The following LSAMP variants were observed in gnomAD, a reference collection of about 807,000 sequenced individuals.
LSAMP encodes limbic system-associated membrane protein.
A neutral mutation model predicts 38.6 loss-of-function variants in LSAMP; 7 were observed. The observed-to-expected ratio is 0.18, with a 90% CI of 0.10 to 0.34. The LOEUF (loss-of-function observed/expected upper bound fraction) is 0.34. LSAMP is among the 10% of genes least tolerant of loss of function. LSAMP has a pLI of 1.00. For missense variants in LSAMP, 313 were observed against 420.0 expected (o/e 0.75, Z 2.23); for synonymous variants, 154 against 166.8 (o/e 0.92, Z 0.59).
intron 3 of LSAMP, among the ~76,000 whole-genome samples, chr3:115,872,696 C>T (rs1399345616): frequency 6.6e-6 from 1 of 152,058 alleles, no homozygotes; most frequent in East Asian, 1.9e-4. Flanking sequence ...TAAGAATTCT[C>T]ACGTGAATTA....
chr3:116,095,758 C>A (rs1464804155), intron 1 of LSAMP, among the ~76,000 whole-genome samples: 1 of 152,202 alleles, frequency 6.6e-6, no homozygotes, highest in Non-Finnish European at 1.5e-5. Flanking sequence ...CTTCTAGGAT[C>A]TTTCCAAGAG....
At chr3:116,441,728 A>G (rs2049438373) in intron 1 of LSAMP, among the ~76,000 whole-genome samples, 1 of 152,222 alleles carries the variant, frequency 6.6e-6, no homozygotes, top group Non-Finnish European at 1.5e-5. Flanking sequence ...GACTCTGTTT[A>G]GAAAAGCACC....
intron 3 of LSAMP, among the ~76,000 whole-genome samples, chr3:115,997,166 A>G (rs1280080076): frequency 6.6e-6 from 1 of 152,194 alleles, no homozygotes; most frequent in Admixed American, 6.6e-5. Context: ...TGCTACATTT[A>G]AATAATATAT....
intron 3 of LSAMP, among the ~76,000 whole-genome samples, chr3:115,900,960 TCC>T (rs1936858393): frequency 6.6e-6 from 1 of 152,156 alleles, no homozygotes; most frequent in African/African-American, 2.4e-5. Flanking sequence ...CTTACTTTCT[TCC>T]CTCTCAATTT....
chr3:116,222,610 G>A (rs2046299794), intron 1 of LSAMP, among the ~76,000 whole-genome samples: 1 of 151,426 alleles, frequency 6.6e-6, no homozygotes, highest in South Asian at 2.1e-4. Flanking sequence ...GAAAGGAAGA[G>A]AGGAAAAGTC....
chr3:115,938,416 C>T (rs142380279), intron 3 of LSAMP, among the ~76,000 whole-genome samples: 12 of 152,224 alleles, frequency 7.9e-5, no homozygotes, highest in African/African-American at 2.9e-4. Context: ...TACATTCTTT[C>T]TATAATGAGT....
chr3:116,318,632 C>G (rs1166824610), intron 1 of LSAMP, among the ~76,000 whole-genome samples: 3 of 152,150 alleles, frequency 2.0e-5, no homozygotes, highest in Non-Finnish European at 2.9e-5. Context: ...GGTAATTAAA[C>G]ATAACGCAGC....
At chr3:116,002,752 A>G (rs1940036447) in intron 3 of LSAMP, among the ~76,000 whole-genome samples, 1 of 152,126 alleles carries the variant, frequency 6.6e-6, no homozygotes, top group Admixed American at 6.6e-5. Flanking sequence ...TTTTGCCCTC[A>G]GCTTACTTTG....
intron 1 of LSAMP, among the ~76,000 whole-genome samples, chr3:116,366,277 T>G (rs1480166267): frequency 6.6e-6 from 1 of 152,134 alleles, no homozygotes; most frequent in Non-Finnish European, 1.5e-5. Flanking sequence ...ACTTTTTGTT[T>G]CCCTACCAAA....
At chr3:116,150,219 C>A (rs1174938049) in intron 1 of LSAMP, among the ~76,000 whole-genome samples, 2 of 152,180 alleles carry the variant, frequency 1.3e-5, no homozygotes, top group African/African-American at 4.8e-5. Flanking sequence ...TAAACTAACA[C>A]AAGAAATCAA....
In LSAMP at chr3:116,279,695, T is replaced by C. The variant is rs374192675; in HGVS notation, c.155+165182A>G. ...CAGTAATAATACTGTCACATGTAGATTGCTGACTGCTGAGTATATATTATC... is the reference window on the plus strand; with the variant it reads ...CAGTAATAATACTGTCACATGTAGACTGCTGACTGCTGAGTATATATTATC... On this transcript the variant is annotated intron_variant, in intron 1 of 6. Transcript: ENST00000490035. 9.8e-5 allele frequency among the ~76,000 whole-genome samples: 15 copies of C among 152,328 alleles called. No homozygotes were observed. In the South Asian group the frequency reaches 1.4e-3, roughly 15 times the overall value.
chr3:115,926,222 G>A (rs1937495893), intron 3 of LSAMP, among the ~76,000 whole-genome samples: 2 of 152,124 alleles, frequency 1.3e-5, no homozygotes, highest in African/African-American at 4.8e-5. Context: ...ATGGGGCAAA[G>A]CTAGATGAGA....
At chr3:115,853,392 G>A (rs901708289) in intron 3 of LSAMP, among the ~76,000 whole-genome samples, 3 of 152,322 alleles carry the variant, frequency 2.0e-5, no homozygotes, top group East Asian at 1.9e-4. Context: ...TGGGGTTTGG[G>A]GTAGGGAGTT....
intron 1 of LSAMP, among the ~76,000 whole-genome samples, chr3:116,145,879 A>G (rs1019974508): frequency 6.6e-6 from 1 of 151,834 alleles, no homozygotes; most frequent in African/African-American, 2.4e-5. Flanking sequence ...TTTTAATTGT[A>G]TTGACTACAG....
intron 1 of LSAMP, among the ~76,000 whole-genome samples, chr3:116,317,356 C>CTTTT (rs71616348): frequency 7.1e-6 from 1 of 140,060 alleles, no homozygotes; most frequent in South Asian, 2.3e-4. Flanking sequence ...CTCTTTCTTT[C>CTTTT]TTTTTTTTTT....
At chr3:116,244,477 C>T (rs1437023799) in intron 1 of LSAMP, among the ~76,000 whole-genome samples, 1 of 152,158 alleles carries the variant, frequency 6.6e-6, no homozygotes, top group African/African-American at 2.4e-5. Flanking sequence ...ACCAATTTAA[C>T]TTCTAAGATT....
At chr3:116,108,365 T>C (rs1231634572) in intron 1 of LSAMP, among the ~76,000 whole-genome samples, 3 of 151,778 alleles carry the variant, frequency 2.0e-5, no homozygotes, top group African/African-American at 4.8e-5. Context: ...GGCTCCACAG[T>C]TGGGGAGTTT....
At chr3:116,139,608 T>C (rs1010889323) in intron 1 of LSAMP, among the ~76,000 whole-genome samples, 1 of 152,002 alleles carries the variant, frequency 6.6e-6, no homozygotes, top group Non-Finnish European at 1.5e-5. Flanking sequence ...TGCTGCCAGA[T>C]TCATTGCAAG....
rs374048180 is a variant in LSAMP, at chr3:115,813,038, A to C, written c.920-2624T>G. ...TATATGTTATATACTTATATATGCA[A>C]ATGATATACACACATATTATTGATC... On this transcript the variant is annotated intron_variant, in intron 6 of 6. Coordinates refer to ENST00000490035, the MANE Select transcript of LSAMP (RefSeq NM_002338.5). 3.3e-5 allele frequency among the ~76,000 whole-genome samples: 5 copies of C among 152,250 alleles called. No homozygotes were observed. The South Asian group carries it at 6.2e-4, about 19-fold the overall frequency.
Sources: allele counts gnomAD v4.1 joint callset (sites outside exome capture counted in the v4.1 genomes callset), GRCh38; gene constraint gnomAD v4.1.1; transcripts MANE v1.5; gene names NCBI Gene and HGNC (gene_info 2026-07-23, HGNC 2026-07-21).